The following ST6GAL1 variants were observed in gnomAD, a reference collection of about 807,000 sequenced individuals.
The protein encoded by ST6GAL1 is beta-galactoside alpha-2,6-sialyltransferase 1.
ST6GAL1 carries 20 observed loss-of-function variants against 38.0 expected under a neutral mutation model. That is an observed-to-expected ratio of 0.53 (90% CI 0.37 to 0.77). ST6GAL1 has a LOEUF of 0.77. Among genes scored for constraint, ST6GAL1 ranks in the 30% least tolerant of loss-of-function variants. ST6GAL1 has a pLI of 0.00. For synonymous variants in ST6GAL1, 196 were observed against 188.2 expected (o/e 1.04, Z -0.34); for missense variants, 432 against 496.4 (o/e 0.87, Z 1.23).
At chr3:186,994,419 C>A (rs540643411) in intron 2 of ST6GAL1, among the ~76,000 whole-genome samples, 2 of 152,274 alleles carry the variant, frequency 1.3e-5, no homozygotes, top group South Asian at 4.1e-4. Context: ...TGGAGTCTAA[C>A]ACAGCTGTGT....
chr3:186,984,780 CT>C (rs1374334586), intron 2 of ST6GAL1, among the ~76,000 whole-genome samples: 3 of 32,342 alleles, frequency 9.3e-5, no homozygotes, highest in South Asian at 1.5e-3. Context: ...CCTTCCTTCC[CT>C]TCCTCCCTTC....
At chr3:186,953,524 C>T (rs561621276) in intron 1 of ST6GAL1, among the ~76,000 whole-genome samples, 74 of 152,290 alleles carry the variant, frequency 4.9e-4, no homozygotes, top group African/African-American at 1.6e-3. Context: ...CTCCTCCCAC[C>T]GACTTGGCTC....
rs1719611415 is a variant in ST6GAL1 at position 187,077,775 on chromosome 3, A to G, written c.*1972A>G. 6.6e-6 allele frequency: 1 copy of G among 152,264 alleles called. No homozygotes were observed. 9.4% of individuals were successfully genotyped at this position (152,264 alleles called of 1,614,324 possible). On this transcript the variant is annotated 3_prime_UTR_variant, in exon 8 of 8. Coordinates refer to ENST00000169298, the MANE Select transcript of ST6GAL1 (RefSeq NM_173216.2). ...CTGTGCTCACACCTCGGCTGCATGC[A>G]CCCTGCTGTGACGGAGGCTAGTGTG...
At chr3:187,001,193 C>T (rs1473878724) in intron 2 of ST6GAL1, among the ~76,000 whole-genome samples, 3 of 152,186 alleles carry the variant, frequency 2.0e-5, no homozygotes, top group Non-Finnish European at 2.9e-5. Context: ...CCTACCCGAA[C>T]CCTGGACATT....
chr3:187,048,135 A>G (rs9818640), intron 4 of ST6GAL1, among the ~76,000 whole-genome samples: 25,539 of 151,622 alleles, frequency 0.17, 2,383 homozygotes, highest in African/African-American at 0.25. Flanking sequence ...AGTAGAGACG[A>G]GGTTTCACTG....
At chr3:187,009,975 A>G (rs1295559501) in intron 2 of ST6GAL1, among the ~76,000 whole-genome samples, 2 of 152,218 alleles carry the variant, frequency 1.3e-5, no homozygotes, top group African/African-American at 4.8e-5. Flanking sequence ...ACTGCACTCC[A>G]GCCTGGGCAA....
rs1174814601 is a variant in ST6GAL1, at chr3:187,043,359, T to A, written c.607+49T>A. The A allele has an allele frequency of 2.5e-6, 4 of 1,572,486 alleles. No individual in the cohort carries two copies. The African/African-American group carries it at 4.1e-5, about 16-fold the overall frequency. On this transcript the variant is annotated intron_variant, in intron 4 of 7. Transcript: ENST00000169298. ...AATGGCAGTGCTTATTGGGACTGGC[T>A]GGGCATATTGATGGTATGGGAGACA...
intron 2 of ST6GAL1, among the ~76,000 whole-genome samples, chr3:186,966,952 T>C (rs1016091347): frequency 1.3e-5 from 2 of 152,234 alleles, no homozygotes; most frequent in Admixed American, 1.3e-4. Context: ...AAGCCTACTA[T>C]GTGCCCTGCC....
chr3:187,014,900 A>G (rs949079404), intron 2 of ST6GAL1, among the ~76,000 whole-genome samples: 1 of 152,216 alleles, frequency 6.6e-6, no homozygotes, highest in African/African-American at 2.4e-5. Flanking sequence ...ACAAAATCAC[A>G]CACATGCCAC....
At position 186,956,785 on chromosome 3, in the gene ST6GAL1, C is replaced by T. The variant is rs758948543; in HGVS notation, c.-324-7000C>T. On this transcript the variant is annotated intron_variant, in intron 1 of 7. Transcript: ENST00000169298. ...GCACTGATCATGCACACAGAACATCCGGTCAGTTTTTAGTGTCTCACTTTT... is the reference window on the plus strand; with the variant it reads ...GCACTGATCATGCACACAGAACATCTGGTCAGTTTTTAGTGTCTCACTTTT... Among the ~76,000 whole-genome samples, 5 of 152,300 alleles carry T rather than the reference C, an allele frequency of 3.3e-5. No homozygotes were observed. The South Asian group carries it at 6.2e-4, about 19-fold the overall frequency.
chr3:187,075,867 G>A lies in ST6GAL1; in HGVS notation c.*64G>A, dbSNP rs1719543487. 15 of 1,593,032 alleles carry A rather than the reference G, an allele frequency of 9.4e-6. No individual in the cohort carries two copies. The highest frequency in any genetic ancestry group is 1.3e-5 in the African/African-American group (1 of 74,488). On this transcript the variant is annotated 3_prime_UTR_variant, in exon 8 of 8. Coordinates refer to ENST00000169298, the MANE Select transcript of ST6GAL1 (RefSeq NM_173216.2). The surrounding 1 kb of genome is among the most constrained non-coding windows in gnomAD (Gnocchi z 4.1). ...AATGGTCTCTTGGCCACCCCAGCCT[G>A]GGAAGAACATTTTCCTGAACAATTC... is the stretch of plus-strand genomic sequence containing the variant.
chr3:186,940,357 C>T (rs1560135313), intron 1 of ST6GAL1, among the ~76,000 whole-genome samples: 1 of 152,232 alleles, frequency 6.6e-6, no homozygotes. Context: ...CTCCCTCATT[C>T]CACTTCTCTT....
At chr3:187,062,447 T>A (rs1380051198) in intron 5 of ST6GAL1, among the ~76,000 whole-genome samples, 1 of 152,164 alleles carries the variant, frequency 6.6e-6, no homozygotes, top group South Asian at 2.1e-4. Flanking sequence ...TCTGTTGATG[T>A]TGAATGGATA....
intron 2 of ST6GAL1, among the ~76,000 whole-genome samples, chr3:187,025,730 A>G (rs1717512025): frequency 6.6e-6 from 1 of 152,110 alleles, no homozygotes; most frequent in Non-Finnish European, 1.5e-5. Context: ...TCCCTTTGCC[A>G]TGGCTGTGTC....
At chr3:186,969,300 G>A (rs1040448118) in intron 2 of ST6GAL1, among the ~76,000 whole-genome samples, 6 of 152,074 alleles carry the variant, frequency 3.9e-5, no homozygotes, top group African/African-American at 9.7e-5. Flanking sequence ...TGATCTGCCC[G>A]CCTCAGCCCC....
intron 5 of ST6GAL1, among the ~76,000 whole-genome samples, chr3:187,052,889 G>T (rs368392951): frequency 6.6e-6 from 1 of 152,192 alleles, no homozygotes; most frequent in African/African-American, 2.4e-5. Flanking sequence ...TTCCACAATG[G>T]TTGAACTAGT....
At chr3:186,949,128 G>A (rs981745862) in intron 1 of ST6GAL1, among the ~76,000 whole-genome samples, 12 of 152,240 alleles carry the variant, frequency 7.9e-5, no homozygotes, top group African/African-American at 2.7e-4. Flanking sequence ...AAGCCAAGCA[G>A]GCGGGTGAAA....
chr3:186,961,271 C>T (rs1046391295), intron 1 of ST6GAL1, among the ~76,000 whole-genome samples: 9 of 152,210 alleles, frequency 5.9e-5, no homozygotes, highest in African/African-American at 1.2e-4. Context: ...CCACTGCGCC[C>T]GGCCCCATCA....
chr3:186,977,279 C>G (rs536459840), intron 2 of ST6GAL1, among the ~76,000 whole-genome samples: 1 of 152,126 alleles, frequency 6.6e-6, no homozygotes, highest in African/African-American at 2.4e-5. Flanking sequence ...TTATCACCAG[C>G]GGTTTCCCTT....
Sources: allele counts gnomAD v4.1 joint callset (sites outside exome capture counted in the v4.1 genomes callset), GRCh38; gene constraint gnomAD v4.1.1; non-coding constraint Gnocchi (gnomAD v3.1); transcripts MANE v1.5; gene names NCBI Gene and HGNC (gene_info 2026-07-23, HGNC 2026-07-21).